The following FRMD6 variants were observed in gnomAD, a reference collection of about 807,000 sequenced individuals.
FRMD6 encodes the protein FERM domain containing 6.
FRMD6 carries 37 observed loss-of-function variants against 73.2 expected under a neutral mutation model. The observed-to-expected ratio is 0.51, with a 90% CI of 0.39 to 0.66. The LOEUF (loss-of-function observed/expected upper bound fraction) is 0.66, where lower values mean the gene tolerates loss of function less well. FRMD6 is among the 30% of genes least tolerant of loss of function. The pLI, the probability that FRMD6 is intolerant of heterozygous loss-of-function variation, is 0.00. For missense variants in FRMD6, 714 were observed against 780.5 expected, an observed-to-expected ratio of 0.91 and a Z score of 1.02; for synonymous variants, 273 against 282.2, an observed-to-expected ratio of 0.97 and a Z score of 0.33.
At chr14:51,697,749 T>G (rs1402245311) in intron 2 of FRMD6, among the ~76,000 whole-genome samples, 1 of 152,130 alleles carries the variant, frequency 6.6e-6, no homozygotes, top group Non-Finnish European at 1.5e-5. Flanking sequence ...ATATATACAA[T>G]TTTATTAGTC....
At chr14:51,450,914 A>G in the FRMD6 span, among the ~76,000 whole-genome samples, 1 of 152,330 alleles carries the variant, frequency 6.6e-6, no homozygotes, top group South Asian at 2.1e-4. Context: ...GCCCAGAGGA[A>G]AAGACTGACC....
the FRMD6 span, among the ~76,000 whole-genome samples, chr14:51,442,935 A>G: frequency 3.3e-5 from 5 of 152,242 alleles, no homozygotes; most frequent in Non-Finnish European, 5.9e-5. Context: ...AAAATAGCAG[A>G]AATCACCAGT....
the FRMD6 span, among the ~76,000 whole-genome samples, chr14:51,470,144 T>C: frequency 1.3e-5 from 2 of 152,202 alleles, no homozygotes; most frequent in Non-Finnish European, 2.9e-5. Context: ...TTTCATTCCT[T>C]AGTGATTTGT....
At chr14:51,510,213 T>C (rs1329487133) in intron 1 of FRMD6, among the ~76,000 whole-genome samples, 3 of 152,208 alleles carry the variant, frequency 2.0e-5, no homozygotes, top group African/African-American at 7.2e-5. Flanking sequence ...TGGTGTGCAA[T>C]AACTCATTTA....
At chr14:51,631,322 A>T (rs1400890916) in intron 2 of FRMD6, among the ~76,000 whole-genome samples, 1 of 152,254 alleles carries the variant, frequency 6.6e-6, no homozygotes, top group East Asian at 1.9e-4. Context: ...TCTCAAAGAA[A>T]CACATTCACA....
chr14:51,650,199 A>G (rs1018119529), upstream of FRMD6: 11 of 152,352 alleles, frequency 7.2e-5, no homozygotes, highest in African/African-American at 1.7e-4. Flanking sequence ...AAAAGATCAC[A>G]GTTCCTAATA....
chr14:51,662,326 A>G (rs2140171357), intron 1 of FRMD6, among the ~76,000 whole-genome samples: 1 of 152,216 alleles, frequency 6.6e-6, no homozygotes, highest in East Asian at 1.9e-4. Context: ...GGGACCAAAA[A>G]AAAGAGCTTG....
chr14:51,606,583 T>C (rs8020209), intron 2 of FRMD6, among the ~76,000 whole-genome samples: 67,664 of 151,936 alleles, frequency 0.45, 15,265 homozygotes, highest in East Asian at 0.54. Context: ...TCCCAATAGC[T>C]CTAGGATTGA....
At chr14:51,413,429 G>A in the FRMD6 span, among the ~76,000 whole-genome samples, 1 of 152,252 alleles carries the variant, frequency 6.6e-6, no homozygotes. Context: ...CTGTCCTTGT[G>A]ATAGTTTGCT....
At chr14:51,404,297 T>A in the FRMD6 span, among the ~76,000 whole-genome samples, 3 of 152,278 alleles carry the variant, frequency 2.0e-5, no homozygotes, top group South Asian at 6.2e-4. Context: ...TAAAAGTATG[T>A]CAGTTGTATT....
chr14:51,644,387 A>ACACACACACACACACTCT lies in FRMD6; in HGVS notation c.-146-45303_-146-45302insACACACACACACACTCTC, dbSNP rs1489278384. Among the ~76,000 whole-genome samples, 624 of 115,022 alleles carry ACACACACACACACACTCT rather than the reference A, an allele frequency of 5.4e-3. 14 individuals are homozygous for ACACACACACACACACTCT. Among genetic ancestry groups the ACACACACACACACACTCT allele is most frequent in the Admixed American group, 0.05 (551 of 11,000 alleles). 75.5% of individuals were successfully genotyped at this position (115,022 alleles called of 152,430 possible). ...CACACACACACACACACACACACAC[A>ACACACACACACACACTCT]CTCACTCACTCTCTCTCTCTCTCTC... is the stretch of plus-strand genomic sequence containing the variant. On this transcript the variant is annotated intron_variant, in intron 2 of 14. Transcript: ENST00000356218.
chr14:51,563,451 C>T (rs1290194253), intron 1 of FRMD6, among the ~76,000 whole-genome samples: 2 of 152,150 alleles, frequency 1.3e-5, no homozygotes, highest in African/African-American at 4.8e-5. Flanking sequence ...GGGTGGATCA[C>T]TTGAAGTCAG....
the FRMD6 span, among the ~76,000 whole-genome samples, chr14:51,401,208 A>G: frequency 2.6e-5 from 4 of 152,230 alleles, no homozygotes; most frequent in Non-Finnish European, 4.4e-5. Context: ...TCCTAAAACA[A>G]TGACTTCACC....
chr14:51,425,410 C>G, the FRMD6 span, among the ~76,000 whole-genome samples: 1 of 152,106 alleles, frequency 6.6e-6, no homozygotes, highest in African/African-American at 2.4e-5. Flanking sequence ...TCTTCCATCC[C>G]TCTCCTTGGA....
chr14:51,450,158 G>C, the FRMD6 span, among the ~76,000 whole-genome samples: 5 of 152,202 alleles, frequency 3.3e-5, no homozygotes, highest in African/African-American at 1.2e-4. Flanking sequence ...TACTGCCACA[G>C]AGGTAAGAAG....
At chr14:51,440,476 G>C in the FRMD6 span, among the ~76,000 whole-genome samples, 1 of 152,206 alleles carries the variant, frequency 6.6e-6, no homozygotes, top group Non-Finnish European at 1.5e-5. Context: ...AATCAGAGTA[G>C]TGTGCTGGAC....
chr14:51,607,554 A>C (rs2139843883), intron 2 of FRMD6, among the ~76,000 whole-genome samples: 1 of 152,190 alleles, frequency 6.6e-6, no homozygotes, highest in East Asian at 1.9e-4. Context: ...ATATTTCCAA[A>C]ATACAGGTAA....
chr14:51,708,423 G>A, intron 7 of FRMD6, 190 bp downstream of exon 7: 1 of 547,760 alleles, frequency 1.8e-6, no homozygotes, highest in African/African-American at 1.9e-5. Flanking sequence ...TTTTACTCTG[G>A]CCTGGAAGCG....
intron 2 of FRMD6, among the ~76,000 whole-genome samples, chr14:51,597,060 A>C (rs1335686442): frequency 6.6e-6 from 1 of 152,240 alleles, no homozygotes; most frequent in Non-Finnish European, 1.5e-5. Context: ...GCATTTGCTC[A>C]TGAAGCAATG....
Sources: gnomAD v4.1 joint callset for allele counts (sites outside exome capture counted in the v4.1 genomes callset) on GRCh38, gnomAD v4.1.1 for gene constraint, MANE v1.5 for transcripts, NCBI Gene and HGNC (gene_info 2026-07-23, HGNC 2026-07-21) for gene names.